The following SETX variants were observed in gnomAD, a reference collection of about 807,000 sequenced individuals.
SETX encodes senataxin, also known as helicase senataxin.
SETX carries 90 observed loss-of-function variants against 227.2 expected under a neutral mutation model. The ratio of observed to expected loss-of-function variants is 0.40; its 90% CI spans 0.33 to 0.47. The LOEUF is 0.47. Among genes scored for constraint, SETX ranks in the 20% least tolerant of loss-of-function variants. The probability of loss-of-function intolerance (pLI) is 0.91; values close to 1 mark genes in which losing one functional copy is unlikely to be tolerated. For synonymous variants in SETX, 1,210 were observed against 1,113.2 expected, an observed-to-expected ratio of 1.09 and a Z score of -1.73; for missense variants, 3,052 against 3,181.5, an observed-to-expected ratio of 0.96 and a Z score of 0.98.
intron 10 of SETX, among the ~76,000 whole-genome samples, chr9:132,324,601 C>T (rs542432278): frequency 6.6e-6 from 1 of 152,250 alleles, no homozygotes; most frequent in Admixed American, 6.5e-5. Context: ...CAGAAAGTGC[C>T]CTGTCCCCTT....
At chr9:132,333,380 A>G (rs1466839830) in intron 7 of SETX, among the ~76,000 whole-genome samples, 1 of 60,412 alleles carries the variant, frequency 1.7e-5, no homozygotes, top group Non-Finnish European at 3.1e-5. Flanking sequence ...TTGGTCTCAA[A>G]AAGAAAAAAA....
chr9:132,298,344 G>C, intron 12 of SETX, 32 bp from the exon 13 acceptor site: 1 of 1,534,674 alleles, frequency 6.5e-7, no homozygotes. Context: ...AGCAACTTCA[G>C]TTATCACTGA....
Position 132,288,650 on chromosome 9 carries a change from T to C in SETX, c.6108A>G (p.Gly2036=), listed in dbSNP as rs35815657. 928 of 1,602,914 alleles carry C rather than the reference T, an allele frequency of 5.8e-4. 4 individuals carry two copies. In the African/African-American group the frequency reaches 0.011, roughly 19 times the overall value. Reference sequence around the variant, plus strand: ...GTACTAAATTTATATCTCCACAGTTTCCTGTTGATAAGAATCACAGTTAAG... The same window carrying C: ...GTACTAAATTTATATCTCCACAGTTCCCTGTTGATAAGAATCACAGTTAAG... ...EKCKDKKNPL[G]NCGDINLVRL... The change falls in exon 16 of 26, where the codon GGA becomes GGG. Residue 2036 remains glycine (G), a splice_region_variant and synonymous_variant. Coordinates refer to ENST00000224140, the MANE Select transcript of SETX (RefSeq NM_015046.7).
At chr9:132,269,793 C>G in intron 24 of SETX, 91 bp from the exon 25 acceptor site, 1 of 1,280,902 alleles carries the variant, frequency 7.8e-7, no homozygotes, top group Non-Finnish European at 1.1e-6. Flanking sequence ...ACTCAACGTG[C>G]CCGTGTCTGA....
chr9:132,298,840 C>T (rs1282512819), intron 12 of SETX, among the ~76,000 whole-genome samples: 1 of 152,174 alleles, frequency 6.6e-6, no homozygotes, highest in African/African-American at 2.4e-5. Context: ...TTTTATAGGG[C>T]TGTGCAGATC....
intron 15 of SETX, among the ~76,000 whole-genome samples, chr9:132,290,232 C>A (rs574951618): frequency 6.8e-5 from 10 of 147,130 alleles, no homozygotes; most frequent in Non-Finnish European, 1.3e-4. Flanking sequence ...AAAAAAACAC[C>A]TTTATTCGTC....
At chr9:132,274,854 T>C (rs1564474402) in intron 23 of SETX, 2 of 181,286 alleles carry the variant, frequency 1.1e-5, no homozygotes, top group Non-Finnish European at 2.3e-5. Context: ...TCTTTAATTT[T>C]ACTGCTGAGG....
At chr9:132,299,596 A>G (rs147212207) in intron 12 of SETX, among the ~76,000 whole-genome samples, 211 of 152,344 alleles carry the variant, frequency 1.4e-3, no homozygotes, top group Non-Finnish European at 2.6e-3. Flanking sequence ...GGAATAATGA[A>G]ATAATGTTCT....
rs1475374227 is a variant in SETX at position 132,264,579 on chromosome 9, T to C, written c.7694A>G (p.His2565Arg). 11 of 1,614,070 alleles carry C rather than the reference T, an allele frequency of 6.8e-6. No homozygotes were observed. The highest frequency in any genetic ancestry group is 1.3e-5 in the African/African-American group (1 of 74,924). ...GCCCGTAGGAGGTGTTGCTCCAGGA[T>C]GCTGGGGGCTCGAGGGTTGTGGATC... ...LWDPQPSSPQ[H>R]PGATPPTGEP... The change falls in exon 26 of 26, where the codon CAT becomes CGT. Residue 2565 changes from histidine (H) to arginine (R), a missense_variant. By Grantham distance (29) the His-to-Arg change is conservative. Coordinates refer to ENST00000224140, the MANE Select transcript of SETX (RefSeq NM_015046.7).
intron 10 of SETX, among the ~76,000 whole-genome samples, chr9:132,320,463 G>A (rs967182575): frequency 2.6e-5 from 4 of 151,942 alleles, no homozygotes; most frequent in Middle Eastern, 3.4e-3. Flanking sequence ...GCCTGATGGC[G>A]GGCGCCTGTA....
chr9:132,281,598 G>A, intron 19 of SETX, 24 bp from the exon 20 acceptor site: 2 of 1,505,160 alleles, frequency 1.3e-6, no homozygotes, highest in Non-Finnish European at 1.9e-6. Context: ...AGAAGAGAGA[G>A]GCAGTCTTAA....
upstream of SETX, among the ~76,000 whole-genome samples, chr9:132,356,298 G>A (rs1848911136): frequency 6.6e-6 from 1 of 152,056 alleles, no homozygotes; most frequent in South Asian, 2.1e-4. Context: ...CGCCTCCTGG[G>A]TTCAAATGAT....
chr9:132,280,943 G>T (rs62576468), intron 20 of SETX, among the ~76,000 whole-genome samples: 1 of 152,114 alleles, frequency 6.6e-6, no homozygotes, highest in African/African-American at 2.4e-5. Context: ...TTCAGATGAT[G>T]TGAAGGGCAC....
At chr9:132,335,128 C>A (rs778595062) in intron 6 of SETX, among the ~76,000 whole-genome samples, 4 of 151,970 alleles carry the variant, frequency 2.6e-5, no homozygotes, top group East Asian at 1.9e-4. Context: ...TGGTGGCTCA[C>A]ACCTGTAATC....
At chr9:132,336,654 T>G (rs1293636182) in intron 5 of SETX, 139 bp from the exon 6 acceptor site, 2 of 707,098 alleles carry the variant, frequency 2.8e-6, no homozygotes, top group Non-Finnish European at 5.0e-6. Flanking sequence ...TGGACCTTAT[T>G]TGATCCTGAT....
chr9:132,329,377 T>C lies in SETX; in HGVS notation c.2221A>G (p.Ile741Val). 3 of 1,613,984 alleles carry C rather than the reference T, an allele frequency of 1.9e-6. No individual in the cohort carries two copies. The highest frequency in any genetic ancestry group is 1.3e-5 in the African/African-American group (1 of 75,056). ...TCAGTCAACAAACGTGTTGATACTA[T>C]TATTCCTCTGTCACATCCCCTTTCT... ...GPERGCDRGI[I>V]VSTRLLTDSS... The change falls in exon 10 of 26, where the codon ATA becomes GTA. Residue 741 changes from isoleucine (I) to valine (V), a missense_variant. Physicochemically the swap from Ile to Val is conservative, Grantham distance 29. Around this residue, in one of 10 missense-constraint regions of SETX, gnomAD observed 1,483 missense variants for 1,312.0 expected, o/e 1.13. Coordinates refer to ENST00000224140, the MANE Select transcript of SETX (RefSeq NM_015046.7).
intron 12 of SETX, 145 bp downstream of exon 12, chr9:132,300,485 A>T: frequency 1.2e-6 from 1 of 803,634 alleles, no homozygotes; most frequent in Non-Finnish European, 2.1e-6. Context: ...ACTAGAAAAG[A>T]GACTCTGAAT....
Position 132,263,980 on chromosome 9 carries a change from T to G in SETX, c.*259A>C. ...CACTCCAGTCTGACCTCCTTGTCTA[T>G]AGAAGACTAAGAGATCAACATTTCC... On this transcript the variant is annotated 3_prime_UTR_variant, in exon 26 of 26. Transcript: ENST00000224140. 1.8e-6 allele frequency: 1 copy of G among 547,042 alleles called. No individual in the cohort carries two copies. Among genetic ancestry groups the G allele is most frequent in the East Asian group, 3.2e-5 (1 of 31,228 alleles). The allele number at this position is 547,042 out of a possible 1,614,324, so 33.9% of individuals were successfully genotyped here.
intron 25 of SETX, 74 bp downstream of exon 25, chr9:132,269,541 G>C (rs1842797511): frequency 6.2e-7 from 1 of 1,608,548 alleles, no homozygotes; most frequent in African/African-American, 1.3e-5. Flanking sequence ...TTTACACTTT[G>C]ATGGAAAATA....
Sources: gnomAD v4.1 joint callset for allele counts (sites outside exome capture counted in the v4.1 genomes callset) on GRCh38, gnomAD v4.1.1 for gene constraint, gnomAD v4.1.1 regional missense constraint, MANE v1.5 for transcripts, NCBI Gene and HGNC (gene_info 2026-07-23, HGNC 2026-07-21) for gene names.